SGCD: variants seen among roughly 807,000 people sequenced by gnomAD.
SGCD encodes the protein sarcoglycan delta.
SGCD carries 18 observed loss-of-function variants against 36.6 expected under a neutral mutation model. That is an observed-to-expected ratio of 0.49 (90% CI 0.34 to 0.73). The LOEUF (loss-of-function observed/expected upper bound fraction) is 0.73. Among genes scored for constraint, SGCD ranks in the 30% least tolerant of loss-of-function variants. The pLI is 0.01. For missense variants in SGCD, 387 were observed against 346.7 expected, an observed-to-expected ratio of 1.12 and a Z score of -0.92; for synonymous variants, 133 against 130.6, an observed-to-expected ratio of 1.02 and a Z score of -0.12.
intron 1 of SGCD, among the ~76,000 whole-genome samples, chr5:155,976,983 T>C (rs1758128396): frequency 1.3e-5 from 2 of 152,196 alleles, no homozygotes; most frequent in African/African-American, 4.8e-5. Flanking sequence ...TTCCCTCCCC[T>C]GGGCTTCACA....
chr5:155,791,698 C>A, the SGCD span, among the ~76,000 whole-genome samples: 1 of 152,006 alleles, frequency 6.6e-6, no homozygotes, highest in Non-Finnish European at 1.5e-5. Context: ...ATACATCTAA[C>A]CAAGGAGATA....
chr5:156,298,479 T>C (rs1766959573), intron 3 of SGCD, among the ~76,000 whole-genome samples: 1 of 152,164 alleles, frequency 6.6e-6, no homozygotes, highest in South Asian at 2.1e-4. Context: ...TGAGATGATA[T>C]TTCATTGTAG....
chr5:156,332,448 AC>A (rs1231574250), intron 2 of SGCD, among the ~76,000 whole-genome samples: 1 of 152,048 alleles, frequency 6.6e-6, no homozygotes, highest in East Asian at 1.9e-4. Context: ...TCATTCATTG[AC>A]CCCGCTATCT....
At chr5:155,839,790 A>T in the SGCD span, among the ~76,000 whole-genome samples, 5 of 152,160 alleles carry the variant, frequency 3.3e-5, no homozygotes, top group Non-Finnish European at 5.9e-5. Flanking sequence ...CAAACCACAG[A>T]CTATTCCAAT....
chr5:156,073,404 C>G (rs778585040), intron 1 of SGCD, among the ~76,000 whole-genome samples: 1 of 151,836 alleles, frequency 6.6e-6, no homozygotes, highest in African/African-American at 2.4e-5. Flanking sequence ...CAAAAATTGG[C>G]CAAAAAAAGT....
chr5:155,932,206 A>G (rs997698662), intron 1 of SGCD, among the ~76,000 whole-genome samples: 2 of 152,020 alleles, frequency 1.3e-5, no homozygotes, highest in Non-Finnish European at 2.9e-5. Context: ...CCTGTCATGT[A>G]CTCCCACAGC....
rs192886816 is a variant in SGCD at position 156,204,522 on chromosome 5, G to A, written c.-44+80503G>A. Among the ~76,000 whole-genome samples, 28 of 151,834 alleles carry A rather than the reference G, an allele frequency of 1.8e-4. 1 individual carries two copies. In the East Asian group the frequency reaches 5.2e-3, roughly 28 times the overall value. On this transcript the variant is annotated intron_variant, in intron 3 of 9. Transcript: ENST00000517913. Reference sequence around the variant, plus strand: ...CACACACAATATCATGTGAACTAGAGTGATTTTTTGATTGATACTACATGA... The same window carrying A: ...CACACACAATATCATGTGAACTAGAATGATTTTTTGATTGATACTACATGA...
At chr5:156,646,020 C>G (rs542459087) in intron 6 of SGCD, among the ~76,000 whole-genome samples, 25 of 152,162 alleles carry the variant, frequency 1.6e-4, no homozygotes, top group African/African-American at 5.1e-4. Context: ...CTGAATATCA[C>G]AGAAGTTGAA....
At chr5:155,749,241 GAC>G in the SGCD span, among the ~76,000 whole-genome samples, 2 of 152,016 alleles carry the variant, frequency 1.3e-5, no homozygotes, top group African/African-American at 4.8e-5. Context: ...TAAGTTCTGG[GAC>G]ACACAGCTTG....
intron 7 of SGCD, among the ~76,000 whole-genome samples, chr5:156,737,731 G>A (rs541833569): frequency 6.6e-6 from 1 of 152,256 alleles, no homozygotes; most frequent in African/African-American, 2.4e-5. Context: ...TAATCATATG[G>A]CAGGCAGTAT....
At chr5:155,787,122 C>T in the SGCD span, among the ~76,000 whole-genome samples, 90 of 152,274 alleles carry the variant, frequency 5.9e-4, 2 homozygotes, top group South Asian at 3.5e-3. Flanking sequence ...ATGCCCAGAT[C>T]ACATTTAAAT....
At chr5:156,554,634 A>G (rs1296739335) in intron 4 of SGCD, among the ~76,000 whole-genome samples, 1 of 148,478 alleles carries the variant, frequency 6.7e-6, no homozygotes, top group Non-Finnish European at 1.5e-5. Flanking sequence ...ACATGTGCAT[A>G]TAATATATAT....
chr5:156,263,278 C>T (rs35052017), intron 3 of SGCD, among the ~76,000 whole-genome samples: 56,734 of 151,674 alleles, frequency 0.37, 11,278 homozygotes, highest in African/African-American at 0.48. Context: ...CTATTATGTT[C>T]TGACTATGGC....
the SGCD span, among the ~76,000 whole-genome samples, chr5:155,848,682 T>C: frequency 6.6e-6 from 1 of 152,314 alleles, no homozygotes; most frequent in African/African-American, 2.4e-5. Context: ...ATAAAAGCTA[T>C]TGTTATATAG....
intron 1 of SGCD, among the ~76,000 whole-genome samples, chr5:156,105,246 T>C (rs774651811): frequency 1.3e-5 from 2 of 152,218 alleles, no homozygotes; most frequent in Non-Finnish European, 2.9e-5. Context: ...GAGTATTATG[T>C]AAATAAAGAA....
At chr5:156,620,075 A>G (rs530466392) in intron 6 of SGCD, among the ~76,000 whole-genome samples, 1 of 152,316 alleles carries the variant, frequency 6.6e-6, no homozygotes. Flanking sequence ...TCAGCAGAAT[A>G]AGTGAGTATG....
chr5:156,059,955 C>T (rs1319298712), intron 1 of SGCD, among the ~76,000 whole-genome samples: 1 of 146,524 alleles, frequency 6.8e-6, no homozygotes, highest in African/African-American at 2.5e-5. Flanking sequence ...CTGAGGTGTT[C>T]TCAGTCCATC....
intron 3 of SGCD, among the ~76,000 whole-genome samples, chr5:156,235,010 C>T (rs1765119620): frequency 6.6e-6 from 1 of 152,126 alleles, no homozygotes; most frequent in Non-Finnish European, 1.5e-5. Context: ...TTTCTGATAA[C>T]ACAGATTATG....
intron 3 of SGCD, among the ~76,000 whole-genome samples, chr5:156,413,412 C>G (rs1252514311): frequency 6.6e-6 from 1 of 152,206 alleles, no homozygotes; most frequent in Non-Finnish European, 1.5e-5. Flanking sequence ...CTACTTTAGA[C>G]TATGAAGGCA....
Sources: gnomAD v4.1 joint callset for allele counts (sites outside exome capture counted in the v4.1 genomes callset) on GRCh38, gnomAD v4.1.1 for gene constraint, MANE v1.5 for transcripts, NCBI Gene and HGNC (gene_info 2026-07-23, HGNC 2026-07-21) for gene names.